Variants in SH3PXD2A observed in about 807,000 individuals in gnomAD.
SH3PXD2A encodes SH3 and PX domains 2A, also known as SH3 and PX domain-containing protein 2A.
SH3PXD2A carries 32 observed loss-of-function variants against 115.2 expected under a neutral mutation model. The ratio of observed to expected loss-of-function variants is 0.28; its 90% CI spans 0.21 to 0.37. The LOEUF (loss-of-function observed/expected upper bound fraction) is 0.37, where lower values mean the gene tolerates loss of function less well. SH3PXD2A is among the 10% of genes least tolerant of loss of function. SH3PXD2A has a pLI of 1.00. For missense variants in SH3PXD2A, 1,328 were observed against 1,498.7 expected (o/e 0.89, Z 1.88); for synonymous variants, 610 against 629.1 (o/e 0.97, Z 0.45).
intron 8 of SH3PXD2A, 142 bp downstream of exon 8, chr10:103,660,841 A>G: frequency 1.1e-6 from 1 of 905,252 alleles, no homozygotes; most frequent in South Asian, 1.5e-5. Flanking sequence ...ACAGGGGGAA[A>G]CTTCAGCCGC....
intron 2 of SH3PXD2A, among the ~76,000 whole-genome samples, chr10:103,789,177 T>TG (rs34893812): frequency 1.2e-4 from 18 of 151,234 alleles, no homozygotes; most frequent in African/African-American, 3.2e-4. Context: ...TGGGGGAGGA[T>TG]GGGGGGGGTA....
At chr10:103,718,634 C>A (rs189944983) in intron 5 of SH3PXD2A, among the ~76,000 whole-genome samples, 3 of 152,168 alleles carry the variant, frequency 2.0e-5, no homozygotes, top group Non-Finnish European at 4.4e-5. Flanking sequence ...ACATCACCTT[C>A]GTGGGTGGCC....
At chr10:103,771,735 A>G (rs2038822536) in intron 2 of SH3PXD2A, among the ~76,000 whole-genome samples, 1 of 141,534 alleles carries the variant, frequency 7.1e-6, no homozygotes, top group Admixed American at 7.3e-5. Context: ...ACTCCGTCAA[A>G]ACAACACACA....
chr10:103,606,376 A>ATT (rs34117845), intron 13 of SH3PXD2A, among the ~76,000 whole-genome samples: 1,819 of 78,270 alleles, frequency 0.023, 75 homozygotes, highest in African/African-American at 0.037. Context: ...CACCTGGTTA[A>ATT]TTTTTTTTTT....
At chr10:103,684,632 C>A (rs1346439977) in intron 6 of SH3PXD2A, among the ~76,000 whole-genome samples, 1 of 151,960 alleles carries the variant, frequency 6.6e-6, no homozygotes, top group Non-Finnish European at 1.5e-5. Context: ...ATTACAGGAG[C>A]GAGCCACCAC....
intron 5 of SH3PXD2A, among the ~76,000 whole-genome samples, chr10:103,709,793 G>A (rs772542487): frequency 1.3e-5 from 2 of 152,218 alleles, no homozygotes; most frequent in Non-Finnish European, 2.9e-5. Flanking sequence ...TAGGATGGAT[G>A]CAAAAATTAG....
At chr10:103,833,577 T>A (rs1360764848) in intron 1 of SH3PXD2A, among the ~76,000 whole-genome samples, 5 of 152,230 alleles carry the variant, frequency 3.3e-5, no homozygotes, top group Admixed American at 6.5e-5. Context: ...CAGAGGAATC[T>A]TTTTTTAAAA....
At chr10:103,782,752 T>C (rs1471894126) in intron 2 of SH3PXD2A, among the ~76,000 whole-genome samples, 1 of 149,722 alleles carries the variant, frequency 6.7e-6, no homozygotes, top group African/African-American at 2.5e-5. Flanking sequence ...AATCCCAGAC[T>C]TTGGGAGGCT....
chr10:103,748,089 C>T (rs564061918), intron 3 of SH3PXD2A, among the ~76,000 whole-genome samples: 17 of 152,180 alleles, frequency 1.1e-4, no homozygotes, highest in African/African-American at 3.4e-4. Flanking sequence ...ATTAAGAGGA[C>T]GTAACATTCA....
chr10:103,668,637 C>T lies in SH3PXD2A; in HGVS notation c.443G>A (p.Trp148Ter). ...SKRKSVWLSS[W>*]AESPKKDVTG... is the part of the protein sequence containing the mutation. ...CACGTCCTTCTTGGGCGACTCAGCC[C>T]AGCTGGACAGCCACACTTCCGAGTC... is the stretch of plus-strand genomic sequence containing the variant. Residue 148 changes from tryptophan to a stop codon, truncating the protein, a stop_gained, in exon 7 of 15, where the codon TGG (tryptophan) becomes TAG (stop). Transcript: ENST00000369774. LOFTEE classifies it high-confidence loss of function. The T allele has an allele frequency of 6.4e-7, 1 of 1,559,318 alleles. No homozygotes were observed. The highest frequency in any genetic ancestry group is 1.4e-5 in the African/African-American group (1 of 73,856).
At chr10:103,680,073 C>G (rs1003459236) in intron 6 of SH3PXD2A, among the ~76,000 whole-genome samples, 2 of 151,664 alleles carry the variant, frequency 1.3e-5, no homozygotes, top group Non-Finnish European at 2.9e-5. Flanking sequence ...TCTGCCTCCC[C>G]GGTTCAAGTG....
At position 103,811,913 on chromosome 10, in the gene SH3PXD2A, G is replaced by A. The variant is rs193031435; in HGVS notation, c.73-10551C>T. On this transcript the variant is annotated intron_variant, in intron 1 of 14. Coordinates refer to ENST00000369774, the MANE Select transcript of SH3PXD2A (RefSeq NM_001394015.1). Reference sequence around the variant, plus strand: ...ACAGTGAAGATTAATGAGAACGCAAGAACAACCACAGTGCCTTGGACACTG... The same window carrying A: ...ACAGTGAAGATTAATGAGAACGCAAAAACAACCACAGTGCCTTGGACACTG... 2.5e-3 allele frequency among the ~76,000 whole-genome samples: 379 copies of A among 152,336 alleles called. 4 individuals are homozygous for A. The highest frequency in any genetic ancestry group is 8.9e-3 in the African/African-American group (370 of 41,572).
chr10:103,742,819 G>A (rs1435684461), intron 3 of SH3PXD2A, among the ~76,000 whole-genome samples: 5 of 152,150 alleles, frequency 3.3e-5, no homozygotes, highest in South Asian at 2.1e-4. Flanking sequence ...ACCTGAAGCC[G>A]AGAGAATGGG....
intron 2 of SH3PXD2A, among the ~76,000 whole-genome samples, chr10:103,785,257 G>A (rs567907937): frequency 6.6e-6 from 1 of 152,308 alleles, no homozygotes; most frequent in Admixed American, 6.5e-5. Flanking sequence ...TTTCTAGCAG[G>A]AACAGCAATG....
At chr10:103,705,757 G>C (rs2134150417) in intron 5 of SH3PXD2A, among the ~76,000 whole-genome samples, 1 of 152,258 alleles carries the variant, frequency 6.6e-6, no homozygotes, top group East Asian at 1.9e-4. Context: ...TGAAGAGAAA[G>C]GTAAAACGAA....
At chr10:103,718,138 G>A (rs557430575) in intron 5 of SH3PXD2A, among the ~76,000 whole-genome samples, 14 of 151,762 alleles carry the variant, frequency 9.2e-5, no homozygotes, top group Non-Finnish European at 1.9e-4. Flanking sequence ...CCTGAGTAGC[G>A]GGGACCACAG....
intron 6 of SH3PXD2A, among the ~76,000 whole-genome samples, chr10:103,681,577 C>G (rs1228066803): frequency 2.0e-5 from 3 of 152,216 alleles, no homozygotes; most frequent in Non-Finnish European, 4.4e-5. Context: ...AACCCTGTCT[C>G]TACTAAAAAT....
At chr10:103,670,466 C>T (rs568729428) in intron 6 of SH3PXD2A, among the ~76,000 whole-genome samples, 323 of 152,342 alleles carry the variant, frequency 2.1e-3, no homozygotes, top group Non-Finnish European at 3.1e-3. Context: ...CTCCCATGAA[C>T]GTGGTTAGCA....
chr10:103,736,863 TGTCA>T (rs1166260961), intron 3 of SH3PXD2A: 4 of 1,010,982 alleles, frequency 4.0e-6, no homozygotes, highest in Non-Finnish European at 5.4e-6. Flanking sequence ...GTCCTTGTGG[TGTCA>T]GTCAGTCTAG....
Sources: allele counts gnomAD v4.1 joint callset (sites outside exome capture counted in the v4.1 genomes callset), GRCh38; gene constraint gnomAD v4.1.1; transcripts MANE v1.5; gene names NCBI Gene and HGNC (gene_info 2026-07-23, HGNC 2026-07-21).